The following TAF1A variants were observed in gnomAD, a reference collection of about 807,000 sequenced individuals.
TAF1A encodes the protein TATA-box binding protein associated factor, RNA polymerase I subunit A.
In TAF1A, 42 loss-of-function variants were observed where a neutral mutation model predicts 61.6. The observed-to-expected ratio is 0.68, with a 90% CI of 0.53 to 0.88. The LOEUF is 0.88. Ranked by LOEUF, TAF1A falls within the 40% of genes least tolerant of loss-of-function variation. The probability of loss-of-function intolerance (pLI) is 0.00; values close to 1 mark genes in which losing one functional copy is unlikely to be tolerated. For missense variants in TAF1A, 424 were observed against 518.7 expected, an observed-to-expected ratio of 0.82 and a Z score of 1.77; for synonymous variants, 179 against 177.7, an observed-to-expected ratio of 1.01 and a Z score of -0.06.
chr1:222,571,242 T>G (rs1052477770), intron 5 of TAF1A, among the ~76,000 whole-genome samples: 4 of 152,290 alleles, frequency 2.6e-5, no homozygotes, highest in African/African-American at 9.6e-5. Flanking sequence ...CTCAATCTGA[T>G]AAAGGGCATC....
intron 5 of TAF1A, among the ~76,000 whole-genome samples, chr1:222,571,666 C>T (rs1004098864): frequency 1.3e-5 from 2 of 151,646 alleles, no homozygotes; most frequent in East Asian, 1.9e-4. Flanking sequence ...AGAAATTTTA[C>T]AAAAGAGATG....
Position 222,584,249 on chromosome 1 carries a change from C to G in TAF1A, c.170G>C (p.Cys57Ser). The G allele has an allele frequency of 6.2e-7, 1 of 1,612,178 alleles. No individual in the cohort carries two copies. The highest frequency in any genetic ancestry group is 1.1e-5 in the South Asian group (1 of 90,922). Reference sequence around the variant, plus strand: ...CAGAGCTTCTTGGATAAAACTTAAACAAGCACTTGTTGTCTGAGCAAAATC... The same window carrying G: ...CAGAGCTTCTTGGATAAAACTTAAAGAAGCACTTGTTGTCTGAGCAAAATC... ...RKDFAQTTSACLSFIQEALLK... is the reference protein window; with the variant it reads ...RKDFAQTTSASLSFIQEALLK... The change falls in exon 3 of 11, where the codon TGT (cysteine) becomes TCT (serine). Residue 57 changes from cysteine to serine, a missense_variant. By Grantham distance (112) the Cys-to-Ser change is moderately radical. Transcript: ENST00000352967.
In TAF1A at chr1:222,588,500, C is replaced by A. The variant is rs1169798969; in HGVS notation, c.64G>T (p.Val22Leu). ...VTDDEEVETS[V>L]LSGAGMHFPW... Reference sequence around the variant, plus strand: ...AAATGCATTCCTGCACCACTGAGCACAGATGTTTCCACTTCTTCATCATCT... The same window carrying A: ...AAATGCATTCCTGCACCACTGAGCAAAGATGTTTCCACTTCTTCATCATCT... Residue 22 changes from valine (V) to leucine (L), a missense_variant, in exon 2 of 11, where the codon GTG becomes TTG. Val to Leu is a conservative substitution (Grantham distance 32, BLOSUM62 1). Transcript: ENST00000352967. 1 of 1,614,070 alleles carries A rather than the reference C, an allele frequency of 6.2e-7. No homozygotes were observed. The highest frequency in any genetic ancestry group is 1.3e-5 in the African/African-American group (1 of 75,052).
At chr1:222,562,745 T>C (rs1659964947) in intron 9 of TAF1A, among the ~76,000 whole-genome samples, 1 of 152,180 alleles carries the variant, frequency 6.6e-6, no homozygotes, top group African/African-American at 2.4e-5. Context: ...GTTAAATGAC[T>C]AGTGTATGAT....
At chr1:222,571,653 GGT>G (rs1476060483) in intron 5 of TAF1A, among the ~76,000 whole-genome samples, 2 of 151,630 alleles carry the variant, frequency 1.3e-5, no homozygotes, top group African/African-American at 4.8e-5. Context: ...TAACAAAATG[GGT>G]AGAAATTTTA....
intron 6 of TAF1A, among the ~76,000 whole-genome samples, chr1:222,570,052 T>G (rs1660285971): frequency 6.6e-6 from 1 of 152,206 alleles, no homozygotes; most frequent in Non-Finnish European, 1.5e-5. Context: ...AATTATCAAC[T>G]TGCCACTCAT....
At chr1:222,562,376 C>T (rs1558141130) in intron 9 of TAF1A, among the ~76,000 whole-genome samples, 1 of 152,076 alleles carries the variant, frequency 6.6e-6, no homozygotes, top group Non-Finnish European at 1.5e-5. Flanking sequence ...AAAAATGAAC[C>T]TCTTTGCTTT....
chr1:222,563,284 T>A lies in TAF1A; in HGVS notation c.974A>T (p.His325Leu), dbSNP rs1281512044. 2.5e-6 allele frequency: 4 copies of A among 1,612,342 alleles called. No homozygotes were observed. In the Admixed American group the frequency reaches 6.7e-5, roughly 27 times the overall value. ...TAATACCTCCAACCCCAGTTTACGG[T>A]GTTCTTCTTTTTCTGCAATGGTTTT... ...TLLRKSEKEEHRKLGLEVLFG... is the reference protein window; with the variant it reads ...TLLRKSEKEELRKLGLEVLFG... Residue 325 changes from histidine to leucine, a missense_variant, in exon 9 of 11, where the codon CAC (histidine) becomes CTC (leucine). Physicochemically the swap from His to Leu is moderately conservative, Grantham distance 99. Coordinates refer to ENST00000352967, the MANE Select transcript of TAF1A (RefSeq NM_005681.4).
chr1:222,576,730 G>A (rs1240890398), intron 5 of TAF1A, among the ~76,000 whole-genome samples: 1 of 152,144 alleles, frequency 6.6e-6, no homozygotes, highest in Non-Finnish European at 1.5e-5. Flanking sequence ...ATATTATTCT[G>A]AGAAATAACA....
In TAF1A at chr1:222,577,489, T is replaced by C. The variant is rs917891866; in HGVS notation, c.560A>G (p.Gln187Arg). ...NLIQAYKGLLQYYTWSEKKME... is the reference protein window; with the variant it reads ...NLIQAYKGLLRYYTWSEKKME... ...CTTCTTTTCAGACCAGGTATAATACTGTAAAAGCCCTTTATAGGCCTGAAT... is the reference window on the plus strand; with the variant it reads ...CTTCTTTTCAGACCAGGTATAATACCGTAAAAGCCCTTTATAGGCCTGAAT... Residue 187 changes from glutamine (Q) to arginine (R), a missense_variant, in exon 5 of 11, where the codon CAG (glutamine) becomes CGG (arginine). Gln to Arg is a conservative substitution (Grantham distance 43). Coordinates refer to ENST00000352967, the MANE Select transcript of TAF1A (RefSeq NM_005681.4). The C allele has an allele frequency of 5.6e-6, 9 of 1,614,004 alleles. No homozygotes were observed. In the East Asian group the frequency reaches 6.7e-5, roughly 12 times the overall value.
At chr1:222,572,753 A>T (rs1311642791) in intron 5 of TAF1A, among the ~76,000 whole-genome samples, 1 of 152,216 alleles carries the variant, frequency 6.6e-6, no homozygotes, top group Non-Finnish European at 1.5e-5. Context: ...CATACAAAAT[A>T]ATAAAGTTGG....
intron 8 of TAF1A, among the ~76,000 whole-genome samples, chr1:222,563,589 T>G (rs1659999249): frequency 6.6e-6 from 1 of 152,190 alleles, no homozygotes; most frequent in South Asian, 2.1e-4. Flanking sequence ...ACCTGCCCTG[T>G]TTGGGCATTT....
chr1:222,572,756 A>G (rs1447523989), intron 5 of TAF1A, among the ~76,000 whole-genome samples: 1 of 152,226 alleles, frequency 6.6e-6, no homozygotes, highest in Non-Finnish European at 1.5e-5. Flanking sequence ...ACAAAATAAT[A>G]AAGTTGGGCC....
chr1:222,556,062 G>A (rs879183277), downstream of TAF1A, among the ~76,000 whole-genome samples: 2 of 152,074 alleles, frequency 1.3e-5, no homozygotes, highest in African/African-American at 4.8e-5. Flanking sequence ...CATTCAAGCA[G>A]AATCTCATCA....
rs762635550 is a variant in TAF1A, at chr1:222,570,640, TGCATTGTAA to T, written c.621_629del (p.Tyr208_Ala210del). On this transcript the variant is annotated inframe_deletion, in exon 6 of 11. Transcript: ENST00000352967. ...TGTGGTTGAACACATCCTGGGCTAC[TGCATTGTAA>T]GCATAATCATCCTTATCTGCCCAAA... is the stretch of plus-strand genomic sequence containing the variant. The T allele has an allele frequency of 6.2e-7, 1 of 1,610,152 alleles. No individual in the cohort carries two copies. The highest frequency in any genetic ancestry group is 1.1e-5 in the South Asian group (1 of 90,692).
chr1:222,558,648 T>A lies in TAF1A; in HGVS notation c.*12A>T, dbSNP rs1405416363. On this transcript the variant is annotated 3_prime_UTR_variant, in exon 11 of 11. Transcript: ENST00000352967. Reference sequence around the variant, plus strand: ...TGTGTAGCTACAACTGTGAAATAACTAAAATTCAGTATCAGAGTCTTGGAT... The same window carrying A: ...TGTGTAGCTACAACTGTGAAATAACAAAAATTCAGTATCAGAGTCTTGGAT... 7.0e-7 allele frequency: 1 copy of A among 1,420,368 alleles called. No homozygotes were observed. The highest frequency in any genetic ancestry group is 1.4e-5 in the African/African-American group (1 of 70,528). The allele number at this position is 1,420,368 out of a possible 1,614,324, so 88.0% of individuals were successfully genotyped here.
intron 7 of TAF1A, 111 bp from the exon 8 acceptor site, chr1:222,564,236 T>C: frequency 2.0e-6 from 1 of 495,836 alleles, no homozygotes; most frequent in Non-Finnish European, 3.5e-6. Context: ...CCTTTAAATT[T>C]ATTAAGTATT....
At chr1:222,576,793 T>C (rs140494576) in intron 5 of TAF1A, among the ~76,000 whole-genome samples, 30 of 152,388 alleles carry the variant, frequency 2.0e-4, no homozygotes, top group Non-Finnish European at 3.4e-4. Flanking sequence ...ATGTTTATTA[T>C]ATGTAATAAT....
intron 4 of TAF1A, 51 bp from the exon 5 acceptor site, chr1:222,577,694 A>G (rs1660630520): frequency 8.7e-6 from 13 of 1,492,994 alleles, no homozygotes; most frequent in Non-Finnish European, 1.2e-5. Flanking sequence ...GATAACCATT[A>G]GTCAAAAAGC....
Sources: gnomAD v4.1 joint callset for allele counts (sites outside exome capture counted in the v4.1 genomes callset) on GRCh38, gnomAD v4.1.1 for gene constraint, MANE v1.5 for transcripts, NCBI Gene and HGNC (gene_info 2026-07-23, HGNC 2026-07-21) for gene names.